NIPA1: variants seen among roughly 807,000 people sequenced by gnomAD.
NIPA1 encodes NIPA magnesium transporter 1.
A neutral mutation model predicts 23.9 loss-of-function variants in NIPA1; 13 were observed. The ratio of observed to expected loss-of-function variants is 0.54; its 90% CI spans 0.35 to 0.87. The LOEUF is 0.87. NIPA1 is among the 40% of genes least tolerant of loss of function. The probability of loss-of-function intolerance (pLI) is 0.01; values close to 1 mark genes in which losing one functional copy is unlikely to be tolerated. For missense variants in NIPA1, 362 were observed against 429.7 expected (o/e 0.84, Z 1.39); for synonymous variants, 234 against 202.9 (o/e 1.15, Z -1.30).
intron 3 of NIPA1, among the ~76,000 whole-genome samples, chr15:22,814,393 C>T (rs991639080): frequency 2.0e-5 from 3 of 151,622 alleles, no homozygotes; most frequent in Admixed American, 6.6e-5. Flanking sequence ...TTAGTAGAGA[C>T]GGGGTTTGAC....
At chr15:22,809,262 C>T (rs1895273102) in intron 1 of NIPA1, among the ~76,000 whole-genome samples, 1 of 152,000 alleles carries the variant, frequency 6.6e-6, no homozygotes, top group Admixed American at 6.6e-5. Context: ...TGGTGCACGC[C>T]TGTAATCCCA....
At chr15:22,822,932 T>G (rs1238549987) in intron 4 of NIPA1, among the ~76,000 whole-genome samples, 34 of 113,240 alleles carry the variant, frequency 3.0e-4, no homozygotes, top group East Asian at 1.5e-3. Flanking sequence ...TTTTTTTTTT[T>G]TTTTGAGACG....
rs1308640455 is a variant in NIPA1, at chr15:22,807,214, C to G, written c.179-3535C>G. Reference sequence around the variant, plus strand: ...TTCCAGGTTCCTCCTCATTTTGTGACTTTTGACATTTTATAAACTGCCAAA... The same window carrying G: ...TTCCAGGTTCCTCCTCATTTTGTGAGTTTTGACATTTTATAAACTGCCAAA... On this transcript the variant is annotated intron_variant, in intron 1 of 4. Transcript: ENST00000337435. Among the ~76,000 whole-genome samples, 28 of 152,190 alleles carry G rather than the reference C, an allele frequency of 1.8e-4. 2 individuals carry two copies.
chr15:22,805,754 G>A (rs943801398), intron 1 of NIPA1, among the ~76,000 whole-genome samples: 1 of 152,190 alleles, frequency 6.6e-6, no homozygotes, highest in African/African-American at 2.4e-5. Flanking sequence ...AATTTACAAA[G>A]AACTAGTTAT....
chr15:22,789,388 C>G (rs1403598033), intron 1 of NIPA1, among the ~76,000 whole-genome samples: 1 of 152,176 alleles, frequency 6.6e-6, no homozygotes, highest in African/African-American at 2.4e-5. Flanking sequence ...CTCTATGACT[C>G]TTCAGAGCCT....
intron 1 of NIPA1, among the ~76,000 whole-genome samples, chr15:22,807,685 C>T (rs1253368438): frequency 6.6e-6 from 1 of 151,814 alleles, no homozygotes; most frequent in East Asian, 1.9e-4. Context: ...CTAGACTGAC[C>T]AAGCAAAAAA....
intron 3 of NIPA1, among the ~76,000 whole-genome samples, 196 bp downstream of exon 3, chr15:22,812,449 C>A (rs1278552709): frequency 6.6e-6 from 1 of 152,066 alleles, no homozygotes; most frequent in Non-Finnish European, 1.5e-5. Context: ...GTCACGAGTT[C>A]AAGACCAGCC....
intron 1 of NIPA1, among the ~76,000 whole-genome samples, chr15:22,807,550 A>G (rs1005064610): frequency 6.6e-6 from 1 of 151,994 alleles, no homozygotes; most frequent in Admixed American, 6.6e-5. Flanking sequence ...CCATGCCACT[A>G]CACCCCAGCC....
intron 1 of NIPA1, among the ~76,000 whole-genome samples, chr15:22,802,741 C>T (rs1367397107): frequency 6.6e-6 from 1 of 152,114 alleles, no homozygotes; most frequent in Non-Finnish European, 1.5e-5. Flanking sequence ...TCTTCTGATG[C>T]CCATCTGCAT....
intron 3 of NIPA1, among the ~76,000 whole-genome samples, chr15:22,814,484 A>T (rs1265351402): frequency 6.6e-6 from 1 of 152,072 alleles, no homozygotes; most frequent in Non-Finnish European, 1.5e-5. Flanking sequence ...TACAGGCCTG[A>T]GCCACCACGC....
chr15:22,786,249 G>T (rs1452757655), upstream of NIPA1: 1 of 152,196 alleles, frequency 6.6e-6, no homozygotes, highest in Non-Finnish European at 1.5e-5. Flanking sequence ...TCGCGCTCCG[G>T]TGAGTTGGGC....
chr15:22,793,369 A>AAAAG (rs970906071), intron 1 of NIPA1, among the ~76,000 whole-genome samples: 3 of 151,412 alleles, frequency 2.0e-5, no homozygotes, highest in Non-Finnish European at 4.4e-5. Context: ...AAAAAAAAAA[A>AAAAG]AAAAAAAAAG....
At chr15:22,809,241 G>A (rs1380494022) in intron 1 of NIPA1, among the ~76,000 whole-genome samples, 1 of 151,952 alleles carries the variant, frequency 6.6e-6, no homozygotes, top group Non-Finnish European at 1.5e-5. Context: ...ACAAAAATTA[G>A]CCGCACGTGG....
intron 4 of NIPA1, among the ~76,000 whole-genome samples, chr15:22,820,753 G>A (rs933486241): frequency 2.6e-5 from 4 of 151,996 alleles, no homozygotes; most frequent in East Asian, 1.9e-4. Context: ...GTGCATGGGC[G>A]CCTTCCCTTC....
At chr15:22,790,599 G>A in intron 1 of NIPA1, among the ~76,000 whole-genome samples, 1 of 151,910 alleles carries the variant, frequency 6.6e-6, no homozygotes, top group Admixed American at 6.6e-5. Context: ...GTTTTTAGTA[G>A]AGACAGGTTT....
At chr15:22,806,159 G>GT (rs1200742521) in intron 1 of NIPA1, among the ~76,000 whole-genome samples, 8 of 152,148 alleles carry the variant, frequency 5.3e-5, no homozygotes, top group Non-Finnish European at 1.0e-4. Flanking sequence ...TCCTGACCTT[G>GT]TGATCCGCCC....
intron 4 of NIPA1, among the ~76,000 whole-genome samples, chr15:22,822,644 C>T (rs1194008613): frequency 6.6e-6 from 1 of 152,130 alleles, no homozygotes; most frequent in Non-Finnish European, 1.5e-5. Context: ...GCCTGGCCAA[C>T]ATGGCGAAAC....
Position 22,812,390 on chromosome 15 carries a change from G to A in NIPA1, c.317+137G>A, listed in dbSNP as rs552237548. On this transcript the variant is annotated intron_variant, in intron 3 of 4. Coordinates refer to ENST00000337435, the MANE Select transcript of NIPA1 (RefSeq NM_144599.5). ...CTTCAGGCCGGGCATGGTGGCTTAC[G>A]CCTGTAATCCCAGCACTTTGGGAGG... is the stretch of plus-strand genomic sequence containing the variant. The A allele has an allele frequency of 8.9e-4, 612 of 685,404 alleles. 1 individual carries two copies. The highest frequency in any genetic ancestry group is 7.1e-3 in the Middle Eastern group (24 of 3,380). 42.5% of individuals were successfully genotyped at this position (685,404 alleles called of 1,614,324 possible).
At chr15:22,801,335 C>T (rs1456563193) in intron 1 of NIPA1, among the ~76,000 whole-genome samples, 1 of 151,962 alleles carries the variant, frequency 6.6e-6, no homozygotes, top group Non-Finnish European at 1.5e-5. Context: ...AGGTATAATA[C>T]TTGACATCTA....
Sources: allele counts gnomAD v4.1 joint callset (sites outside exome capture counted in the v4.1 genomes callset), GRCh38; gene constraint gnomAD v4.1.1; transcripts MANE v1.5; gene names NCBI Gene and HGNC (gene_info 2026-07-23, HGNC 2026-07-21).